Variants in KCNMA1 observed in about 807,000 individuals in gnomAD.
KCNMA1 encodes the protein potassium calcium-activated channel subfamily M alpha 1.
A neutral mutation model predicts 140.0 loss-of-function variants in KCNMA1; 29 were observed. The ratio of observed to expected loss-of-function variants is 0.21; its 90% CI spans 0.15 to 0.28. The LOEUF is 0.28. KCNMA1 is among the 10% of genes least tolerant of loss of function. The pLI, the probability that KCNMA1 is intolerant of heterozygous loss-of-function variation, is 1.00. For synonymous variants in KCNMA1, 612 were observed against 611.9 expected, an observed-to-expected ratio of 1.00 and a Z score of 0.00; for missense variants, 880 against 1,602.2, an observed-to-expected ratio of 0.55 and a Z score of 7.70.
At chr10:77,582,405 A>G (rs372432960) in intron 1 of KCNMA1, among the ~76,000 whole-genome samples, 2 of 152,236 alleles carry the variant, frequency 1.3e-5, no homozygotes, top group Admixed American at 6.5e-5. Flanking sequence ...AGTTGATATC[A>G]TCATTTTCAA....
At chr10:77,113,083 C>A (rs1331200258) in intron 6 of KCNMA1, among the ~76,000 whole-genome samples, 1 of 151,554 alleles carries the variant, frequency 6.6e-6, no homozygotes, top group East Asian at 1.9e-4. Flanking sequence ...TTTTTATTTT[C>A]CCCCCAGACC....
At chr10:77,583,180 G>A (rs557370521) in intron 1 of KCNMA1, among the ~76,000 whole-genome samples, 1 of 152,260 alleles carries the variant, frequency 6.6e-6, no homozygotes, top group East Asian at 1.9e-4. Context: ...CTCTTCCCTG[G>A]TCCTGAACCT....
intron 1 of KCNMA1, among the ~76,000 whole-genome samples, chr10:77,471,785 C>T (rs2098161469): frequency 6.6e-6 from 1 of 151,588 alleles, no homozygotes; most frequent in Admixed American, 6.6e-5. Flanking sequence ...CACATATACA[C>T]ACACCCAACA....
chr10:77,216,544 T>C (rs937502431), intron 3 of KCNMA1, among the ~76,000 whole-genome samples: 5 of 152,166 alleles, frequency 3.3e-5, no homozygotes, highest in African/African-American at 9.7e-5. Flanking sequence ...TTACCAATTA[T>C]AGCCATAAGA....
At chr10:77,321,512 A>G (rs1481443939) in intron 2 of KCNMA1, among the ~76,000 whole-genome samples, 2 of 152,214 alleles carry the variant, frequency 1.3e-5, no homozygotes, top group African/African-American at 4.8e-5. Context: ...TAATCAATTA[A>G]TTCTCAGCTT....
rs12250501 is a variant in KCNMA1 at position 77,558,722 on chromosome 10, A to C, written c.378+78543T>G. On this transcript the variant is annotated intron_variant, in intron 1 of 27. Coordinates refer to ENST00000286628, the MANE Select transcript of KCNMA1 (RefSeq NM_001161352.2). ...GAGAACACTGCTGCATCTCATCTGA[A>C]GAGAAGCCTACACAGCAGTCCTGGA... Among the ~76,000 whole-genome samples the C allele has an allele frequency of 3.0e-3, 461 of 152,298 alleles. 5 individuals carry two copies. The highest frequency in any genetic ancestry group is 0.01 in the African/African-American group (418 of 41,558).
chr10:76,997,949 G>T (rs990891250), intron 19 of KCNMA1, among the ~76,000 whole-genome samples: 1 of 152,188 alleles, frequency 6.6e-6, no homozygotes, highest in African/African-American at 2.4e-5. Context: ...CTTTTGTGAT[G>T]AATCCTTATC....
At chr10:76,925,082 A>T (rs140501733) in intron 23 of KCNMA1, among the ~76,000 whole-genome samples, 35 of 152,236 alleles carry the variant, frequency 2.3e-4, no homozygotes, top group African/African-American at 7.9e-4. Flanking sequence ...CTTTATGAAG[A>T]TGTTTTCCTC....
chr10:77,508,572 T>C (rs929970616), intron 1 of KCNMA1, among the ~76,000 whole-genome samples: 1 of 102,904 alleles, frequency 9.7e-6, no homozygotes, highest in African/African-American at 5.2e-5. Context: ...TTTCTTTTTT[T>C]TTTCTTTTCT....
chr10:77,488,718 G>T (rs1024463143), intron 1 of KCNMA1, among the ~76,000 whole-genome samples: 12 of 152,112 alleles, frequency 7.9e-5, no homozygotes, highest in African/African-American at 1.9e-4. Context: ...GCCCTGGAAG[G>T]TACCATGTCC....
intron 1 of KCNMA1, among the ~76,000 whole-genome samples, chr10:77,624,211 C>A (rs931227881): frequency 6.6e-6 from 1 of 152,204 alleles, no homozygotes; most frequent in Non-Finnish European, 1.5e-5. Flanking sequence ...ATTTGCATGA[C>A]CTTCTCTTTA....
intron 2 of KCNMA1, among the ~76,000 whole-genome samples, chr10:77,297,286 A>G (rs995108395): frequency 2.0e-5 from 3 of 152,188 alleles, no homozygotes; most frequent in Admixed American, 6.5e-5. Flanking sequence ...TTGAAGCCCA[A>G]TCAATTGGCT....
rs144578414 is a variant in KCNMA1 at position 76,960,489 on chromosome 10, G to A, written c.2361-6565C>T. 3.0e-4 allele frequency among the ~76,000 whole-genome samples: 46 copies of A among 150,908 alleles called. No homozygotes were observed. The East Asian group carries it at 7.3e-3, about 24-fold the overall frequency. On this transcript the variant is annotated intron_variant, in intron 20 of 27. Transcript: ENST00000286628. ...AGGAGGTTGAGGCTGCCAGTGAGCC[G>A]AGATCACACTACTGCACTCCAGCCC... is the stretch of plus-strand genomic sequence containing the variant.
chr10:77,174,310 G>A (rs2098734375), intron 5 of KCNMA1, among the ~76,000 whole-genome samples: 1 of 152,080 alleles, frequency 6.6e-6, no homozygotes, highest in Non-Finnish European at 1.5e-5. Context: ...TTTACCATTG[G>A]TCCATTCACT....
At chr10:77,611,788 G>A (rs1417815621) in intron 1 of KCNMA1, among the ~76,000 whole-genome samples, 1 of 152,098 alleles carries the variant, frequency 6.6e-6, no homozygotes, top group Admixed American at 6.5e-5. Context: ...CTTGCTGTGT[G>A]CAAAATCAGT....
chr10:77,501,798 G>A (rs1355190245), intron 1 of KCNMA1, among the ~76,000 whole-genome samples: 1 of 152,162 alleles, frequency 6.6e-6, no homozygotes, highest in African/African-American at 2.4e-5. Flanking sequence ...AGAGGCCTTG[G>A]GCCACAGAAC....
chr10:77,401,972 C>A (rs1308665998), intron 2 of KCNMA1, among the ~76,000 whole-genome samples: 1 of 152,202 alleles, frequency 6.6e-6, no homozygotes, highest in Admixed American at 6.5e-5. Context: ...AGAGCTGAAA[C>A]AAATACACTT....
intron 5 of KCNMA1, among the ~76,000 whole-genome samples, chr10:77,172,779 AATT>A (rs1314765607): frequency 6.6e-6 from 1 of 152,148 alleles, no homozygotes; most frequent in African/African-American, 2.4e-5. Flanking sequence ...TAGACTGGGT[AATT>A]TATAAACAAC....
intron 1 of KCNMA1, among the ~76,000 whole-genome samples, chr10:77,607,300 T>A (rs2084900782): frequency 6.6e-6 from 1 of 152,164 alleles, no homozygotes; most frequent in African/African-American, 2.4e-5. Context: ...CTACCTCTGC[T>A]TGCAAAAGGC....
Sources: allele counts gnomAD v4.1 joint callset (sites outside exome capture counted in the v4.1 genomes callset), GRCh38; gene constraint gnomAD v4.1.1; transcripts MANE v1.5; gene names NCBI Gene and HGNC (gene_info 2026-07-23, HGNC 2026-07-21).